Variants in COL6A6 observed in about 807,000 individuals in gnomAD.
COL6A6 encodes collagen alpha-6(VI) chain.
COL6A6 carries 183 observed loss-of-function variants against 208.6 expected under a neutral mutation model. That is an observed-to-expected ratio of 0.88 (90% CI 0.78 to 0.99). COL6A6 has a LOEUF of 0.99. Ranked by LOEUF, COL6A6 falls within the 50% of genes least tolerant of loss-of-function variation. COL6A6 has a pLI of 0.00. For synonymous variants in COL6A6, 973 were observed against 1,011.8 expected, an observed-to-expected ratio of 0.96 and a Z score of 0.73; for missense variants, 2,816 against 2,815.2, an observed-to-expected ratio of 1.00 and a Z score of -0.01.
At chr3:130,658,165 T>G (rs921311726) in intron 33 of COL6A6, among the ~76,000 whole-genome samples, 13 of 152,194 alleles carry the variant, frequency 8.5e-5, no homozygotes, top group Non-Finnish European at 2.9e-5. Context: ...TCCTGTGATT[T>G]TACATGGGTC....
At chr3:130,645,574 G>A (rs1004366123) in intron 32 of COL6A6, among the ~76,000 whole-genome samples, 1 of 152,080 alleles carries the variant, frequency 6.6e-6, no homozygotes, top group African/African-American at 2.4e-5. Context: ...CACTGTGCCT[G>A]GCCAAAAATA....
Position 130,649,475 on chromosome 3 carries a change from C to G in COL6A6, c.5646C>G (p.Thr1882=). The stretch of plus-strand genomic sequence containing the variant: ...AGTCCGCGGATGCCCACTCCATCAC[C>G]ACGGCTGCCATGGAGTTCGGCGCGC... ...SGQSADAHSI[T]TAAMEFGALE... is the part of the protein sequence containing the mutation. Residue 1882 remains threonine, a synonymous_variant, in exon 33 of 37, where the codon ACC becomes ACG. Coordinates refer to ENST00000358511, the MANE Select transcript of COL6A6 (RefSeq NM_001102608.3). 1.2e-6 allele frequency: 2 copies of G among 1,610,900 alleles called. No individual in the cohort carries two copies. Among genetic ancestry groups the G allele is most frequent in the Non-Finnish European group, 1.7e-6 (2 of 1,178,624 alleles).
chr3:130,574,481 A>G lies in COL6A6; in HGVS notation c.3503A>G (p.Asn1168Ser). 6.2e-7 allele frequency: 1 copy of G among 1,614,046 alleles called. No individual in the cohort carries two copies. Among genetic ancestry groups the G allele is most frequent in the Non-Finnish European group, 8.5e-7 (1 of 1,179,898 alleles). ...AACTTCGATGAACTGAAGAAGGTCA[A>G]TAAAAGGATCGTTCGCAACATCTGT... is the stretch of plus-strand genomic sequence containing the variant. Reference protein sequence around the residue: ...VHNFDELKKVNKRIVRNICTT... With the variant: ...VHNFDELKKVSKRIVRNICTT... The change falls in exon 8 of 37, where the codon AAT becomes AGT. Residue 1168 changes from asparagine (N) to serine (S), a missense_variant. By Grantham distance (46) the Asn-to-Ser change is conservative. Transcript: ENST00000358511.
chr3:130,571,429 G>T (rs2063165057), intron 7 of COL6A6, 36 bp downstream of exon 7: 1 of 1,451,704 alleles, frequency 6.9e-7, no homozygotes, highest in East Asian at 2.3e-5. Flanking sequence ...CTAATTATTA[G>T]CAGAGGGACA....
chr3:130,525,791 C>T lies in COL6A6; in HGVS notation c.-32+8394C>T, dbSNP rs374268211. 1.0e-3 allele frequency among the ~76,000 whole-genome samples: 158 copies of T among 152,202 alleles called. 2 individuals are homozygous for T. Among genetic ancestry groups the T allele is most frequent in the Middle Eastern group, 3.4e-3 (1 of 294 alleles). Reference sequence around the variant, plus strand: ...GACCACGCCATTCTCCTTCTTGCCACGAGAACTTTGCATCAGCTATCCTCC... The same window carrying T: ...GACCACGCCATTCTCCTTCTTGCCATGAGAACTTTGCATCAGCTATCCTCC... On this transcript the variant is annotated intron_variant, in intron 1 of 36. Coordinates refer to ENST00000358511, the MANE Select transcript of COL6A6 (RefSeq NM_001102608.3).
At chr3:130,648,972 T>A in intron 32 of COL6A6, 97 bp from the exon 33 acceptor site, 2 of 961,098 alleles carry the variant, frequency 2.1e-6, no homozygotes, top group Non-Finnish European at 3.0e-6. Context: ...TCTCTTTAAG[T>A]ATTTGAATGC....
intron 24 of COL6A6, among the ~76,000 whole-genome samples, chr3:130,624,889 C>A (rs748853413): frequency 6.6e-6 from 1 of 152,168 alleles, no homozygotes; most frequent in Non-Finnish European, 1.5e-5. Flanking sequence ...AGTAAGTTCA[C>A]ATTTCCAGGA....
chr3:130,569,510 G>T (rs1210531151), intron 6 of COL6A6, among the ~76,000 whole-genome samples: 1 of 152,198 alleles, frequency 6.6e-6, no homozygotes, highest in Non-Finnish European at 1.5e-5. Flanking sequence ...ACATAGATCT[G>T]CATGGAGTTT....
At chr3:130,606,411 T>C (rs1229276475) in intron 20 of COL6A6, among the ~76,000 whole-genome samples, 6 of 152,218 alleles carry the variant, frequency 3.9e-5, no homozygotes, top group Admixed American at 1.3e-4. Flanking sequence ...CAGGTAAGCA[T>C]ATTATTTGGC....
In COL6A6 at chr3:130,675,919, G is replaced by A. The variant is rs1025404028; in HGVS notation, c.*522G>A. The A allele has an allele frequency of 6.6e-6, 1 of 152,092 alleles. No individual in the cohort carries two copies. The allele number at this position is 152,092 out of a possible 1,614,324, so 9.4% of individuals were successfully genotyped here. A position where few individuals can be genotyped will look rare whatever the true frequency, so the allele number is the denominator to read the frequency against. The stretch of plus-strand genomic sequence containing the variant: ...TATTCCACTTAAACACACCACTGTG[G>A]GAGTTGTTTGCTTGGACTGATGAGA... On this transcript the variant is annotated 3_prime_UTR_variant, in exon 37 of 37. Coordinates refer to ENST00000358511, the MANE Select transcript of COL6A6 (RefSeq NM_001102608.3).
rs759945066 is a variant in COL6A6 at position 130,565,031 on chromosome 3, A to G, written c.699A>G (p.Leu233=). Residue 233 remains leucine (L), a synonymous_variant, in exon 4 of 37, where the codon CTA becomes CTG. Transcript: ENST00000358511. ...QGPSMADVVF[L]LDMSINGSEE... ...CTTCTATGGCCGATGTTGTGTTCCTATTGGATATGTCAATCAATGGAAGTG... is the reference window on the plus strand; with the variant it reads ...CTTCTATGGCCGATGTTGTGTTCCTGTTGGATATGTCAATCAATGGAAGTG... 24 of 1,613,988 alleles carry G rather than the reference A, an allele frequency of 1.5e-5. No individual in the cohort carries two copies. The highest frequency in any genetic ancestry group is 1.1e-4 in the South Asian group (10 of 91,084).
chr3:130,622,228 C>G (rs1321399886), intron 24 of COL6A6, among the ~76,000 whole-genome samples: 5 of 108,190 alleles, frequency 4.6e-5, no homozygotes, highest in Non-Finnish European at 8.6e-5. Context: ...TTTTTCCTTT[C>G]CTCCATTCAC....
At chr3:130,622,198 C>A (rs574087319) in intron 24 of COL6A6, among the ~76,000 whole-genome samples, 1 of 140,910 alleles carries the variant, frequency 7.1e-6, no homozygotes, top group Non-Finnish European at 1.5e-5. Context: ...TTCCTCCCCC[C>A]GCCTACCCCC....
chr3:130,642,561 C>G (rs2065347272), intron 29 of COL6A6, among the ~76,000 whole-genome samples: 1 of 152,156 alleles, frequency 6.6e-6, no homozygotes, highest in Admixed American at 6.5e-5. Context: ...CCTGGTAATT[C>G]TGGACAATGC....
intron 2 of COL6A6, among the ~76,000 whole-genome samples, chr3:130,560,722 T>A (rs2062863775): frequency 6.6e-6 from 1 of 152,232 alleles, no homozygotes; most frequent in Non-Finnish European, 1.5e-5. Context: ...AATATTAGGC[T>A]CAGGCCTGGA....
Position 130,593,125 on chromosome 3 carries a change from T to C in COL6A6, c.4416+20T>C, listed in dbSNP as rs762257742. The C allele has an allele frequency of 5.1e-5, 82 of 1,612,958 alleles. No homozygotes were observed. The highest frequency in any genetic ancestry group is 6.8e-5 in the Non-Finnish European group (80 of 1,179,082). ...GAACAGGTAGAGCCTTCTTGTACCA[T>C]AGAGACCCTTCTGAGCTATTTACCA... is the stretch of plus-strand genomic sequence containing the variant. On this transcript the variant is annotated intron_variant, in intron 16 of 36. Transcript: ENST00000358511.
chr3:130,649,541 C>T lies in COL6A6; in HGVS notation c.5712C>T (p.Pro1904=). 6.3e-7 allele frequency: 1 copy of T among 1,594,272 alleles called. No individual in the cohort carries two copies. Among genetic ancestry groups the T allele is most frequent in the South Asian group, 1.1e-5 (1 of 88,540 alleles). Residue 1904 remains proline, a synonymous_variant, in exon 33 of 37, where the codon CCC becomes CCT. Coordinates refer to ENST00000358511, the MANE Select transcript of COL6A6 (RefSeq NM_001102608.3). ...TGGTGATCACTTTCAGCAACGTGCC[C>T]TCGGTCAGGCGCGCATTTGCGGTAT... ...IPVVITFSNV[P]SVRRAFAIDD...
Position 130,568,310 on chromosome 3 carries a change from A to G in COL6A6, c.2107A>G (p.Ser703Gly). The G allele has an allele frequency of 1.2e-6, 2 of 1,614,022 alleles. No individual in the cohort carries two copies. The highest frequency in any genetic ancestry group is 8.5e-7 in the Non-Finnish European group (1 of 1,179,898). ...CATTGGACAAACCACCCTGACTGGTAGTGCCCTGAGCTTTGTGTCTCAGTA... is the reference window on the plus strand; with the variant it reads ...CATTGGACAAACCACCCTGACTGGTGGTGCCCTGAGCTTTGTGTCTCAGTA... ...AHIGQTTLTGSALSFVSQYFS... is the reference protein window; with the variant it reads ...AHIGQTTLTGGALSFVSQYFS... Residue 703 changes from serine to glycine, a missense_variant, in exon 6 of 37, where the codon AGT becomes GGT. Transcript: ENST00000358511.
At chr3:130,659,382 G>C (rs2065882511) in intron 34 of COL6A6, among the ~76,000 whole-genome samples, 1 of 152,204 alleles carries the variant, frequency 6.6e-6, no homozygotes, top group African/African-American at 2.4e-5. Context: ...GACAGTGGAA[G>C]CCACTGGAAT....
Sources: allele counts gnomAD v4.1 joint callset (sites outside exome capture counted in the v4.1 genomes callset), GRCh38; gene constraint gnomAD v4.1.1; transcripts MANE v1.5; gene names NCBI Gene and HGNC (gene_info 2026-07-23, HGNC 2026-07-21).